PHF21A: variants seen among roughly 807,000 people sequenced by gnomAD.
The protein encoded by PHF21A is PHD finger protein 21A.
PHF21A carries 11 observed loss-of-function variants against 82.5 expected under a neutral mutation model. That is an observed-to-expected ratio of 0.13 (90% CI 0.08 to 0.22). The LOEUF (loss-of-function observed/expected upper bound fraction) is 0.22, where lower values mean the gene tolerates loss of function less well. PHF21A is among the 10% of genes least tolerant of loss of function. The probability of loss-of-function intolerance (pLI) is 1.00; values close to 1 mark genes in which losing one functional copy is unlikely to be tolerated. For missense variants in PHF21A, 579 were observed against 837.8 expected (o/e 0.69, Z 3.81); for synonymous variants, 297 against 302.8 (o/e 0.98, Z 0.20).
At chr11:46,034,421 T>G (rs1372114027) in intron 6 of PHF21A, among the ~76,000 whole-genome samples, 2 of 152,224 alleles carry the variant, frequency 1.3e-5, no homozygotes, top group African/African-American at 4.8e-5. Context: ...TTTATCCTCT[T>G]ATGTTATTAG....
chr11:46,111,118 G>T (rs1043359488), intron 1 of PHF21A, among the ~76,000 whole-genome samples: 1 of 151,670 alleles, frequency 6.6e-6, no homozygotes, highest in East Asian at 1.9e-4. Context: ...ACTATGTGGG[G>T]GGGGAGGCTA....
At chr11:46,026,656 C>T (rs776445564) in intron 6 of PHF21A, among the ~76,000 whole-genome samples, 1 of 151,988 alleles carries the variant, frequency 6.6e-6, no homozygotes, top group Non-Finnish European at 1.5e-5. Context: ...CCTTTAAAGT[C>T]AAGCAGTGGA....
At chr11:45,996,501 T>C (rs1327872444) in intron 6 of PHF21A, among the ~76,000 whole-genome samples, 2 of 152,106 alleles carry the variant, frequency 1.3e-5, no homozygotes, top group Non-Finnish European at 2.9e-5. Context: ...TGATTTCCCT[T>C]TTTGAGAGAC....
intron 9 of PHF21A, among the ~76,000 whole-genome samples, chr11:45,966,853 G>A (rs1288825642): frequency 1.3e-5 from 2 of 151,946 alleles, no homozygotes; most frequent in Admixed American, 1.3e-4. Flanking sequence ...TTCTGACCTC[G>A]GGATCCACCC....
intron 6 of PHF21A, among the ~76,000 whole-genome samples, chr11:45,985,664 T>C (rs1224613025): frequency 6.6e-6 from 1 of 152,184 alleles, no homozygotes; most frequent in East Asian, 1.9e-4. Flanking sequence ...TAGAAAGTTT[T>C]CCCCAGACTC....
intron 12 of PHF21A, among the ~76,000 whole-genome samples, chr11:45,949,923 C>T (rs1486593055): frequency 2.0e-5 from 3 of 152,200 alleles, no homozygotes; most frequent in African/African-American, 7.2e-5. Context: ...CAGAAGAGCA[C>T]TTCGCTGTGC....
chr11:45,970,484 T>C (rs536538404), intron 8 of PHF21A: 2 of 152,672 alleles, frequency 1.3e-5, no homozygotes, highest in Admixed American at 1.3e-4. Flanking sequence ...AAAATTTAGA[T>C]ATATTTCTCC....
intron 9 of PHF21A, 86 bp from the exon 10 acceptor site, chr11:45,965,694 A>G: frequency 1.0e-6 from 1 of 984,352 alleles, no homozygotes; most frequent in Admixed American, 2.9e-5. Context: ...TATGTATGAA[A>G]TGGTGTTTAA....
chr11:45,969,072 C>T (rs962515990), intron 9 of PHF21A, among the ~76,000 whole-genome samples: 1 of 152,134 alleles, frequency 6.6e-6, no homozygotes, highest in Non-Finnish European at 1.5e-5. Flanking sequence ...CCATCCTTCT[C>T]CCCAGAGGCT....
chr11:46,014,912 G>A lies in PHF21A; in HGVS notation c.154-34946C>T, dbSNP rs1343482680. Among the ~76,000 whole-genome samples, 15 of 90,096 alleles carry A rather than the reference G, an allele frequency of 1.7e-4. 5 individuals carry two copies. The highest frequency in any genetic ancestry group is 9.7e-4 in the Admixed American group (9 of 9,318). The allele number at this position is 90,096 out of a possible 152,430, so 59.1% of individuals were successfully genotyped here. ...GGAGAATGGCGTGAACCCGGGAGGC[G>A]GAGCTTGCAGTGAGCCGAGATCCCG... is the stretch of plus-strand genomic sequence containing the variant. On this transcript the variant is annotated intron_variant, in intron 6 of 18. Transcript: ENST00000676320.
intron 3 of PHF21A, among the ~76,000 whole-genome samples, chr11:46,088,240 A>G (rs150905645): frequency 5.5e-4 from 84 of 152,346 alleles, no homozygotes; most frequent in African/African-American, 1.9e-3. Flanking sequence ...CAGACTCACA[A>G]GACAGTAACA....
rs146028864 is a variant in PHF21A at position 45,969,707 on chromosome 11, G to A, written c.702+108C>T. On this transcript the variant is annotated intron_variant, in intron 9 of 18. Transcript: ENST00000676320. The stretch of plus-strand genomic sequence containing the variant: ...CAACAGTCAGAATGTTTAGCTAAGC[G>A]GGATAGACAGCTGGGCTGACAAGCC... 4.5e-4 allele frequency: 315 copies of A among 705,362 alleles called. 5 individuals carry two copies. In the Admixed American group the frequency reaches 5.7e-3, roughly 13 times the overall value. The allele number at this position is 705,362 out of a possible 1,614,324, so 43.7% of individuals were successfully genotyped here. A position where few individuals can be genotyped will look rare whatever the true frequency, so the allele number is the denominator to read the frequency against.
intron 1 of PHF21A, among the ~76,000 whole-genome samples, chr11:46,100,882 A>C (rs1016503047): frequency 1.3e-5 from 2 of 152,246 alleles, no homozygotes; most frequent in African/African-American, 4.8e-5. Flanking sequence ...AACCACTGTT[A>C]CCACGTCTAA....
At chr11:45,953,958 T>G (rs978419523) in intron 10 of PHF21A, among the ~76,000 whole-genome samples, 1 of 152,212 alleles carries the variant, frequency 6.6e-6, no homozygotes, top group African/African-American at 2.4e-5. Context: ...TATTTTAGAA[T>G]GTGGGGATAG....
chr11:46,040,383 T>C (rs1044159184), intron 6 of PHF21A, among the ~76,000 whole-genome samples: 1 of 152,004 alleles, frequency 6.6e-6, no homozygotes, highest in Non-Finnish European at 1.5e-5. Flanking sequence ...ACAATAAAAG[T>C]TTTTTTTAGC....
At chr11:46,079,023 T>G (rs1421821662) in intron 5 of PHF21A, 111 bp downstream of exon 5, 1 of 612,690 alleles carries the variant, frequency 1.6e-6, no homozygotes, top group Non-Finnish European at 2.8e-6. Flanking sequence ...CTATTAGAAA[T>G]GAAATAATTC....
intron 6 of PHF21A, among the ~76,000 whole-genome samples, chr11:46,074,716 T>C (rs989511095): frequency 6.6e-6 from 1 of 152,214 alleles, no homozygotes; most frequent in African/African-American, 2.4e-5. Flanking sequence ...TTGGCCAGGC[T>C]AGTCTCGAAC....
intron 1 of PHF21A, among the ~76,000 whole-genome samples, chr11:46,111,363 G>C (rs534928921): frequency 2.0e-5 from 3 of 151,876 alleles, no homozygotes; most frequent in Non-Finnish European, 4.4e-5. Flanking sequence ...CCAGCTGCTC[G>C]AGAGGCTGAG....
At chr11:46,017,423 T>A (rs897801699) in intron 6 of PHF21A, among the ~76,000 whole-genome samples, 1 of 152,336 alleles carries the variant, frequency 6.6e-6, no homozygotes, top group South Asian at 2.1e-4. Flanking sequence ...AACTACTCTT[T>A]GCAAATACTA....
Sources: allele counts gnomAD v4.1 joint callset (sites outside exome capture counted in the v4.1 genomes callset), GRCh38; gene constraint gnomAD v4.1.1; transcripts MANE v1.5; gene names NCBI Gene and HGNC (gene_info 2026-07-23, HGNC 2026-07-21).